SYNPR: variants seen among roughly 807,000 people sequenced by gnomAD.
The protein encoded by SYNPR is synaptoporin.
In SYNPR, 23 loss-of-function variants were observed where a neutral mutation model predicts 32.9. The ratio of observed to expected loss-of-function variants is 0.70; its 90% CI spans 0.50 to 0.99. SYNPR has a LOEUF of 0.99. Ranked by LOEUF, SYNPR falls within the 50% of genes least tolerant of loss-of-function variation. The probability of loss-of-function intolerance (pLI) is 0.00; values close to 1 mark genes in which losing one functional copy is unlikely to be tolerated. For synonymous variants in SYNPR, 146 were observed against 135.9 expected (o/e 1.07, Z -0.52); for missense variants, 318 against 349.3 (o/e 0.91, Z 0.71).
At chr3:63,539,701 A>C (rs1220022115) in intron 3 of SYNPR, among the ~76,000 whole-genome samples, 1 of 152,156 alleles carries the variant, frequency 6.6e-6, no homozygotes, top group South Asian at 2.1e-4. Flanking sequence ...AGGTGATTTC[A>C]GAAAGCACAA....
At chr3:63,381,675 G>A (rs2087972454) in intron 2 of SYNPR, among the ~76,000 whole-genome samples, 1 of 152,054 alleles carries the variant, frequency 6.6e-6, no homozygotes, top group African/African-American at 2.4e-5. Context: ...CTTGTAATTG[G>A]TATATTTGGA....
At chr3:63,302,043 A>T (rs2086863501) in intron 2 of SYNPR, among the ~76,000 whole-genome samples, 1 of 152,070 alleles carries the variant, frequency 6.6e-6, no homozygotes. Context: ...CGTATGAATA[A>T]ATGAATGAAT....
intron 2 of SYNPR, among the ~76,000 whole-genome samples, chr3:63,415,583 A>C (rs1287426459): frequency 6.6e-6 from 1 of 152,224 alleles, no homozygotes; most frequent in Non-Finnish European, 1.5e-5. Flanking sequence ...ATTGTAGCAC[A>C]AAAGCAGCCA....
chr3:63,481,426 A>G (rs556646162), intron 3 of SYNPR, among the ~76,000 whole-genome samples: 2 of 145,656 alleles, frequency 1.4e-5, no homozygotes, highest in South Asian at 4.5e-4. Context: ...TAATATTTAT[A>G]TATTAAGTGT....
At chr3:63,559,070 C>CTT (rs34219166) in intron 4 of SYNPR, among the ~76,000 whole-genome samples, 27 of 126,164 alleles carry the variant, frequency 2.1e-4, no homozygotes, top group African/African-American at 6.7e-4. Context: ...TCAATACTTT[C>CTT]TTTTTTTTTT....
At chr3:63,340,714 C>T (rs1242259129) in intron 2 of SYNPR, among the ~76,000 whole-genome samples, 3 of 152,106 alleles carry the variant, frequency 2.0e-5, no homozygotes, top group Non-Finnish European at 2.9e-5. Flanking sequence ...CCACCGCGCC[C>T]GGCCAATGTA....
At chr3:63,592,342 A>G (rs1194797877) in intron 4 of SYNPR, among the ~76,000 whole-genome samples, 1 of 152,168 alleles carries the variant, frequency 6.6e-6, no homozygotes, top group African/African-American at 2.4e-5. Flanking sequence ...TAGCAGTACT[A>G]GGAAACCAAT....
intron 2 of SYNPR, among the ~76,000 whole-genome samples, chr3:63,360,178 A>G (rs2087637215): frequency 6.6e-6 from 1 of 152,122 alleles, no homozygotes; most frequent in African/African-American, 2.4e-5. Context: ...TTGTAAACAT[A>G]CACCCTTTCA....
chr3:63,259,045 C>T (rs1052458188), intron 2 of SYNPR, among the ~76,000 whole-genome samples: 2 of 152,050 alleles, frequency 1.3e-5, no homozygotes, highest in East Asian at 1.9e-4. Context: ...TCTCTGAATA[C>T]ACCAATAACA....
At chr3:63,476,744 AC>A (rs575821498) in intron 2 of SYNPR, among the ~76,000 whole-genome samples, 2 of 151,538 alleles carry the variant, frequency 1.3e-5, no homozygotes, top group African/African-American at 2.4e-5. Context: ...TAAATGTAAC[AC>A]CCCCCCAGGT....
At chr3:63,389,102 A>G (rs2088096346) in intron 2 of SYNPR, among the ~76,000 whole-genome samples, 1 of 152,178 alleles carries the variant, frequency 6.6e-6, no homozygotes. Context: ...ATTAGGAATA[A>G]AAGAATGTGC....
At chr3:63,350,781 G>A (rs1207349298) in intron 2 of SYNPR, among the ~76,000 whole-genome samples, 1 of 152,172 alleles carries the variant, frequency 6.6e-6, no homozygotes, top group Non-Finnish European at 1.5e-5. Context: ...AGACAAACAT[G>A]CTGTAGCAAA....
chr3:63,345,899 C>T (rs1366947125), intron 2 of SYNPR, among the ~76,000 whole-genome samples: 1 of 152,056 alleles, frequency 6.6e-6, no homozygotes, highest in African/African-American at 2.4e-5. Context: ...ACTGCAACCT[C>T]CATCTCCCAA....
chr3:63,593,411 C>G (rs1188279351), intron 4 of SYNPR, among the ~76,000 whole-genome samples: 1 of 152,048 alleles, frequency 6.6e-6, no homozygotes, highest in African/African-American at 2.4e-5. Flanking sequence ...ACCAAACATC[C>G]AGGAATACCT....
chr3:63,439,953 C>G (rs1237010194), intron 2 of SYNPR, among the ~76,000 whole-genome samples: 1 of 152,138 alleles, frequency 6.6e-6, no homozygotes, highest in Non-Finnish European at 1.5e-5. Flanking sequence ...CTCTGAAACA[C>G]CAAGGATATG....
At chr3:63,392,575 G>T (rs1409585861) in intron 2 of SYNPR, among the ~76,000 whole-genome samples, 3 of 152,126 alleles carry the variant, frequency 2.0e-5, no homozygotes, top group Non-Finnish European at 4.4e-5. Context: ...TTTGAAAACT[G>T]CAAAGTGCTG....
intron 2 of SYNPR, among the ~76,000 whole-genome samples, chr3:63,389,069 C>T (rs2088096052): frequency 6.6e-6 from 1 of 152,036 alleles, no homozygotes; most frequent in Non-Finnish European, 1.5e-5. Flanking sequence ...AGTAGTGATC[C>T]GTTTGGAGTT....
intron 3 of SYNPR, among the ~76,000 whole-genome samples, chr3:63,524,226 G>A (rs1353389367): frequency 2.6e-5 from 4 of 152,020 alleles, no homozygotes; most frequent in Non-Finnish European, 4.4e-5. Flanking sequence ...TACAAAAAAG[G>A]TAGCAGAATA....
intron 2 of SYNPR, among the ~76,000 whole-genome samples, chr3:63,383,528 G>A (rs1169724701): frequency 6.6e-6 from 1 of 152,056 alleles, no homozygotes; most frequent in African/African-American, 2.4e-5. Context: ...ACCAACCTGG[G>A]CAACACAGTG....
Sources: gnomAD v4.1 joint callset for allele counts (sites outside exome capture counted in the v4.1 genomes callset) on GRCh38, gnomAD v4.1.1 for gene constraint, MANE v1.5 for transcripts, NCBI Gene and HGNC (gene_info 2026-07-23, HGNC 2026-07-21) for gene names.